Variants in OLFM3 observed in about 807,000 individuals in gnomAD.
OLFM3 encodes the protein noelin-3.
OLFM3 carries 20 observed loss-of-function variants against 48.6 expected under a neutral mutation model. The observed-to-expected ratio is 0.41, with a 90% CI of 0.29 to 0.60. The LOEUF (loss-of-function observed/expected upper bound fraction) is 0.60. OLFM3 is among the 20% of genes least tolerant of loss of function. The pLI, the probability that OLFM3 is intolerant of heterozygous loss-of-function variation, is 0.28. For missense variants in OLFM3, 437 were observed against 544.3 expected (o/e 0.80, Z 1.96); for synonymous variants, 222 against 198.1 (o/e 1.12, Z -1.01).
intron 1 of OLFM3, among the ~76,000 whole-genome samples, chr1:101,939,517 G>A (rs1659724201): frequency 6.6e-6 from 1 of 152,106 alleles, no homozygotes; most frequent in Non-Finnish European, 1.5e-5. Flanking sequence ...ACAAACTTGA[G>A]TGTGTCTTCA....
intron 1 of OLFM3, among the ~76,000 whole-genome samples, chr1:101,994,771 AATC>A (rs898422779): frequency 6.6e-6 from 1 of 151,958 alleles, no homozygotes; most frequent in Non-Finnish European, 1.5e-5. Context: ...CTTTTAAAAA[AATC>A]ATCTTTTGTT....
At position 101,887,955 on chromosome 1, in the gene OLFM3, T is replaced by TTAACATGTGTGCAGCA. The variant is rs1266350098; in HGVS notation, c.70-50931_70-50930insTGCTGCACACATGTTA. Among the ~76,000 whole-genome samples, 3 of 152,134 alleles carry TTAACATGTGTGCAGCA rather than the reference T, an allele frequency of 2.0e-5. No homozygotes were observed. In the East Asian group the frequency reaches 5.8e-4, roughly 29 times the overall value. ...CATATATTCAAATTGTGTAGTATTA[T>TTAACATGTGTGCAGCA]AGTATGCAGCTATTAACATGTGTGT... On this transcript the variant is annotated intron_variant, in intron 1 of 5. Coordinates refer to ENST00000370103, the MANE Select transcript of OLFM3 (RefSeq NM_058170.4).
At chr1:101,813,217 TG>T (rs1394665566) in intron 4 of OLFM3, 1 of 523,280 alleles carries the variant, frequency 1.9e-6, no homozygotes, top group Non-Finnish European at 3.1e-6. Context: ...GACATAGCAA[TG>T]AGTGCACTAA....
chr1:101,890,241 A>G (rs1192038532), intron 1 of OLFM3, among the ~76,000 whole-genome samples: 1 of 152,082 alleles, frequency 6.6e-6, no homozygotes, highest in Non-Finnish European at 1.5e-5. Context: ...TGATCTTGGA[A>G]AATAGCTACT....
Position 101,804,538 on chromosome 1 carries a change from C to A in OLFM3, c.1077G>T (p.Leu359Phe). The A allele has an allele frequency of 6.2e-7, 1 of 1,612,672 alleles. No individual in the cohort carries two copies. Residue 359 changes from leucine (L) to phenylalanine (F), a missense_variant, in exon 6 of 6, where the codon TTG (leucine) becomes TTT (phenylalanine). Coordinates refer to ENST00000370103, the MANE Select transcript of OLFM3 (RefSeq NM_058170.4). This position sits in a 1 kb window ranked among gnomAD's most constrained non-coding sequence, Gnocchi z 4.5. Reference sequence around the variant, plus strand: ...CAGTGCTCCAGCTCTTCATCACCTCCAAGGTATCTTGGTTAAGTTGGCTGA... The same window carrying A: ...CAGTGCTCCAGCTCTTCATCACCTCAAAGGTATCTTGGTTAAGTTGGCTGA... The part of the protein sequence containing the change: ...IVISQLNQDT[L>F]EVMKSWSTGY...
At chr1:101,808,440 G>A (rs1435243142) in intron 4 of OLFM3, among the ~76,000 whole-genome samples, 1 of 151,730 alleles carries the variant, frequency 6.6e-6, no homozygotes. Flanking sequence ...GATCTGCCTT[G>A]AAGAGAAAAA....
chr1:101,961,808 T>C (rs2101084546), intron 1 of OLFM3, among the ~76,000 whole-genome samples: 1 of 152,206 alleles, frequency 6.6e-6, no homozygotes, highest in Admixed American at 6.5e-5. Context: ...AGAGGTAAGT[T>C]ACACAGAGCT....
intron 1 of OLFM3, among the ~76,000 whole-genome samples, chr1:101,917,847 A>C (rs975056736): frequency 3.9e-5 from 6 of 152,246 alleles, no homozygotes; most frequent in African/African-American, 1.4e-4. Flanking sequence ...AAACTTGGAG[A>C]AATCAAATAA....
chr1:101,951,633 A>T (rs1159615181), intron 1 of OLFM3, among the ~76,000 whole-genome samples: 1 of 152,194 alleles, frequency 6.6e-6, no homozygotes, highest in Non-Finnish European at 1.5e-5. Context: ...ATAAGCCAAA[A>T]AAAGGAAAGG....
intron 1 of OLFM3, among the ~76,000 whole-genome samples, chr1:101,877,811 C>A (rs1354111474): frequency 6.7e-6 from 1 of 149,092 alleles, no homozygotes; most frequent in South Asian, 2.1e-4. Context: ...ATTTTTTTTT[C>A]AAATTTTATT....
chr1:101,977,842 T>A (rs1039982966), intron 1 of OLFM3, among the ~76,000 whole-genome samples: 2 of 152,098 alleles, frequency 1.3e-5, no homozygotes, highest in Non-Finnish European at 2.9e-5. Context: ...GCTTCATAAA[T>A]TAACCTGAAA....
chr1:101,929,760 A>G (rs188563081), intron 1 of OLFM3, among the ~76,000 whole-genome samples: 1 of 152,164 alleles, frequency 6.6e-6, no homozygotes, highest in East Asian at 1.9e-4. Flanking sequence ...AGAGAATAGA[A>G]TTTTTCCAAG....
intron 1 of OLFM3, among the ~76,000 whole-genome samples, chr1:101,861,919 G>A (rs913928921): frequency 6.6e-6 from 1 of 152,208 alleles, no homozygotes; most frequent in African/African-American, 2.4e-5. Context: ...TATGAAGGGA[G>A]ATTGCACAGC....
intron 2 of OLFM3, 24 bp from the exon 3 acceptor site, chr1:101,830,851 T>C (rs1239962592): frequency 6.2e-7 from 1 of 1,602,122 alleles, no homozygotes; most frequent in South Asian, 1.1e-5. Context: ...ATATTGTCTG[T>C]ACATTATTAT....
chr1:101,867,859 G>C (rs1339487479), intron 1 of OLFM3, among the ~76,000 whole-genome samples: 1 of 152,124 alleles, frequency 6.6e-6, no homozygotes, highest in South Asian at 2.1e-4. Flanking sequence ...TGTCGTGGGA[G>C]GGACCTGGTG....
At chr1:101,939,415 G>A (rs1255493693) in intron 1 of OLFM3, among the ~76,000 whole-genome samples, 1 of 151,956 alleles carries the variant, frequency 6.6e-6, no homozygotes, top group East Asian at 1.9e-4. Context: ...GATGTGTTGA[G>A]CCCACAGAGA....
In OLFM3 at chr1:101,836,862, G is replaced by T; in HGVS notation, c.216+17C>A. ...CGATTTTACTAAAAATATGCATAGGGGACACAGGACACCTACCTTTTCCAG... is the reference window on the plus strand; with the variant it reads ...CGATTTTACTAAAAATATGCATAGGTGACACAGGACACCTACCTTTTCCAG... On this transcript the variant is annotated intron_variant, in intron 2 of 5. Coordinates refer to ENST00000370103, the MANE Select transcript of OLFM3 (RefSeq NM_058170.4). 3.7e-6 allele frequency: 6 copies of T among 1,612,532 alleles called. No homozygotes were observed. The highest frequency in any genetic ancestry group is 5.1e-6 in the Non-Finnish European group (6 of 1,178,728).
At chr1:101,846,867 C>T (rs761195734) in intron 1 of OLFM3, 1 of 1,612,478 alleles carries the variant, frequency 6.2e-7, no homozygotes, top group Non-Finnish European at 8.5e-7. Flanking sequence ...AGTCGACAGC[C>T]TCGTGGTGTT....
intron 1 of OLFM3, among the ~76,000 whole-genome samples, chr1:101,863,402 G>T (rs968185597): frequency 6.6e-6 from 1 of 152,136 alleles, no homozygotes; most frequent in Non-Finnish European, 1.5e-5. Context: ...CTACATAACA[G>T]CCCTTCAAAT....
Sources: gnomAD v4.1 joint callset for allele counts (sites outside exome capture counted in the v4.1 genomes callset) on GRCh38, gnomAD v4.1.1 for gene constraint, Gnocchi (gnomAD v3.1) non-coding constraint, MANE v1.5 for transcripts, NCBI Gene and HGNC (gene_info 2026-07-23, HGNC 2026-07-21) for gene names.